Variants in SERPINI1 observed in about 807,000 individuals in gnomAD.
SERPINI1 encodes the protein serpin family I member 1.
SERPINI1 carries 19 observed loss-of-function variants against 41.1 expected under a neutral mutation model. The observed-to-expected ratio is 0.46, with a 90% CI of 0.32 to 0.68. The LOEUF (loss-of-function observed/expected upper bound fraction) is 0.68, where lower values mean the gene tolerates loss of function less well. SERPINI1 is among the 30% of genes least tolerant of loss of function. The pLI, the probability that SERPINI1 is intolerant of heterozygous loss-of-function variation, is 0.03. For synonymous variants in SERPINI1, 138 were observed against 156.6 expected, an observed-to-expected ratio of 0.88 and a Z score of 0.89; for missense variants, 460 against 479.2, an observed-to-expected ratio of 0.96 and a Z score of 0.37.
intron 6 of SERPINI1, among the ~76,000 whole-genome samples, chr3:167,809,257 C>G (rs1488702141): frequency 6.6e-6 from 1 of 152,200 alleles, no homozygotes; most frequent in East Asian, 1.9e-4. Context: ...GTCATTCTCT[C>G]TTCTTTAGGA....
At position 167,793,535 on chromosome 3, in the gene SERPINI1, C is replaced by T. The variant is rs141871013; in HGVS notation, c.676+751C>T. On this transcript the variant is annotated intron_variant, in intron 4 of 8. Coordinates refer to ENST00000446050, the MANE Select transcript of SERPINI1 (RefSeq NM_001122752.2). ...GGAGGATTCCTTGAAGCCAGGAGTT[C>T]GGACTAGCTTGGGCAACACAGCAAG... Among the ~76,000 whole-genome samples the T allele has an allele frequency of 6.7e-5, 10 of 150,236 alleles. No individual in the cohort carries two copies. The East Asian group carries it at 9.7e-4, about 15-fold the overall frequency.
intron 6 of SERPINI1, among the ~76,000 whole-genome samples, chr3:167,817,683 T>C (rs1347837998): frequency 6.6e-6 from 1 of 152,082 alleles, no homozygotes; most frequent in Non-Finnish European, 1.5e-5. Flanking sequence ...CTGCAAGCTC[T>C]GCCTCCTGGG....
At chr3:167,808,887 G>A (rs1378356485) in intron 6 of SERPINI1, among the ~76,000 whole-genome samples, 3 of 152,134 alleles carry the variant, frequency 2.0e-5, no homozygotes, top group African/African-American at 7.2e-5. Flanking sequence ...GATGAAAAAA[G>A]CCTTTGTCCT....
intron 6 of SERPINI1, among the ~76,000 whole-genome samples, chr3:167,811,818 G>C (rs969759081): frequency 6.6e-6 from 1 of 151,798 alleles, no homozygotes; most frequent in Admixed American, 6.6e-5. Context: ...AACCACCCTG[G>C]GTAACATAAT....
At chr3:167,810,146 G>T (rs1038180440) in intron 6 of SERPINI1, among the ~76,000 whole-genome samples, 1 of 151,706 alleles carries the variant, frequency 6.6e-6, no homozygotes, top group Non-Finnish European at 1.5e-5. Flanking sequence ...TAAATTAATA[G>T]CATTTATCTC....
intron 7 of SERPINI1, 36 bp from the exon 8 acceptor site, chr3:167,824,437 C>T: frequency 6.7e-7 from 1 of 1,489,222 alleles, no homozygotes; most frequent in Non-Finnish European, 9.4e-7. Flanking sequence ...CTCTGCACAT[C>T]CACAGACATA....
At chr3:167,757,372 G>A (rs1002638116) in intron 1 of SERPINI1, among the ~76,000 whole-genome samples, 1 of 152,148 alleles carries the variant, frequency 6.6e-6, no homozygotes, top group Admixed American at 6.5e-5. Context: ...ACAAACATGA[G>A]TAAAGGAATT....
Position 167,818,144 on chromosome 3 carries a change from G to GCCT in SERPINI1, c.980-4839_980-4837dup, listed in dbSNP as rs1712183679. Reference sequence around the variant, plus strand: ...GGGTTCAAGAGATTCTCCTGTCTCAGCCTCCCTAGCAGCTGGGATCACAGG... The same window carrying GCCT: ...GGGTTCAAGAGATTCTCCTGTCTCAGCCTCCTCCCTAGCAGCTGGGATCACAGG... On this transcript the variant is annotated intron_variant, in intron 6 of 8. Coordinates refer to ENST00000446050, the MANE Select transcript of SERPINI1 (RefSeq NM_001122752.2). 4.6e-5 allele frequency among the ~76,000 whole-genome samples: 7 copies of GCCT among 151,996 alleles called. No individual in the cohort carries two copies. In the South Asian group the frequency reaches 1.5e-3, roughly 32 times the overall value.
intron 1 of SERPINI1, among the ~76,000 whole-genome samples, chr3:167,777,833 A>G (rs1242849584): frequency 6.6e-6 from 1 of 152,212 alleles, no homozygotes; most frequent in East Asian, 1.9e-4. Context: ...CACTGTAACA[A>G]TGTTAAGAGG....
chr3:167,804,355 G>T (rs1053435717), intron 5 of SERPINI1, among the ~76,000 whole-genome samples: 3 of 152,074 alleles, frequency 2.0e-5, no homozygotes, highest in African/African-American at 7.2e-5. Flanking sequence ...TAGAAATGAT[G>T]CTAATGAAAC....
At chr3:167,789,065 G>C (rs1033182894) in intron 1 of SERPINI1, 46 bp from the exon 2 acceptor site, 198 of 1,576,870 alleles carry the variant, frequency 1.3e-4, no homozygotes, top group Middle Eastern at 2.2e-4. Context: ...TGAGACTTTT[G>C]TTATAGAGAT....
chr3:167,765,935 A>G (rs1433079145), intron 1 of SERPINI1, among the ~76,000 whole-genome samples: 1 of 152,152 alleles, frequency 6.6e-6, no homozygotes, highest in Non-Finnish European at 1.5e-5. Flanking sequence ...CAATAAGCTC[A>G]TCTCCATCTG....
At chr3:167,753,062 C>A (rs1188708189) in intron 1 of SERPINI1, among the ~76,000 whole-genome samples, 6 of 152,140 alleles carry the variant, frequency 3.9e-5, no homozygotes, top group Non-Finnish European at 8.8e-5. Context: ...GAGCCCTTGT[C>A]TGCTGCTTTC....
At chr3:167,786,842 G>A (rs2108554929) in intron 1 of SERPINI1, among the ~76,000 whole-genome samples, 1 of 152,218 alleles carries the variant, frequency 6.6e-6, no homozygotes, top group African/African-American at 2.4e-5. Flanking sequence ...GTAGTGTACA[G>A]CAATGTCCTA....
chr3:167,788,319 T>C (rs1014253275), intron 1 of SERPINI1, among the ~76,000 whole-genome samples: 1 of 152,184 alleles, frequency 6.6e-6, no homozygotes, highest in African/African-American at 2.4e-5. Context: ...TTCAATTTGG[T>C]TCAAGAACCT....
chr3:167,779,197 A>G (rs1452607001), intron 1 of SERPINI1, among the ~76,000 whole-genome samples: 2 of 152,226 alleles, frequency 1.3e-5, no homozygotes, highest in Non-Finnish European at 2.9e-5. Flanking sequence ...AAAAATTTCT[A>G]GCTTAAAAAT....
At chr3:167,752,641 C>T (rs1471626136) in intron 1 of SERPINI1, among the ~76,000 whole-genome samples, 1 of 152,040 alleles carries the variant, frequency 6.6e-6, no homozygotes, top group Non-Finnish European at 1.5e-5. Context: ...CATACTCTCT[C>T]CTGTATAACT....
chr3:167,820,363 C>CAACCTGGGCACAGCTGCTGTG lies in SERPINI1; in HGVS notation c.980-2622_980-2602dup, dbSNP rs1712273968. The stretch of plus-strand genomic sequence containing the variant: ...TGAGTTGGAGAGGCGGGAGCCCAGC[C>CAACCTGGGCACAGCTGCTGTG]AACCTGGGCACAGCTGCTGTGGACC... On this transcript the variant is annotated intron_variant, in intron 6 of 8. Transcript: ENST00000446050. Among the ~76,000 whole-genome samples, 4 of 152,286 alleles carry CAACCTGGGCACAGCTGCTGTG rather than the reference C, an allele frequency of 2.6e-5. No homozygotes were observed. The South Asian group carries it at 8.3e-4, about 32-fold the overall frequency.
intron 5 of SERPINI1, among the ~76,000 whole-genome samples, chr3:167,797,740 G>GTTT (rs3840198): frequency 8.1e-5 from 12 of 148,940 alleles, no homozygotes; most frequent in Admixed American, 4.7e-4. Context: ...CCTACCAAGC[G>GTTT]TTTTTTTTTT....
Sources: allele counts gnomAD v4.1 joint callset (sites outside exome capture counted in the v4.1 genomes callset), GRCh38; gene constraint gnomAD v4.1.1; transcripts MANE v1.5; gene names NCBI Gene and HGNC (gene_info 2026-07-23, HGNC 2026-07-21).